TAMM41: variants seen among roughly 807,000 people sequenced by gnomAD.
TAMM41 encodes the protein TAM41 mitochondrial translocator assembly and maintenance homolog, also known as phosphatidate cytidylyltransferase, mitochondrial.
Under a neutral mutation model 44.1 loss-of-function variants are expected in TAMM41, and 36 were observed. That is an observed-to-expected ratio of 0.82 (90% CI 0.63 to 1.08). The LOEUF (loss-of-function observed/expected upper bound fraction) is 1.08. Ranked by LOEUF, TAMM41 falls within the 50% of genes least tolerant of loss-of-function variation. The pLI is 0.00. For synonymous variants in TAMM41, 164 were observed against 153.1 expected, an observed-to-expected ratio of 1.07 and a Z score of -0.53; for missense variants, 417 against 404.3, an observed-to-expected ratio of 1.03 and a Z score of -0.27.
chr3:11,766,286 T>A, the TAMM41 span, among the ~76,000 whole-genome samples: 1 of 152,030 alleles, frequency 6.6e-6, no homozygotes, highest in Admixed American at 6.6e-5. Context: ...CACCTCAGAC[T>A]CCCAGGTAGC....
the TAMM41 span, among the ~76,000 whole-genome samples, chr3:11,754,103 CGTG>C: frequency 6.6e-6 from 1 of 152,146 alleles, no homozygotes. Context: ...GTTACTTTCA[CGTG>C]GTAACCGAGA....
the TAMM41 span, among the ~76,000 whole-genome samples, chr3:11,751,110 GAC>G: frequency 1.3e-5 from 1 of 77,876 alleles, no homozygotes; most frequent in South Asian, 4.2e-4. Context: ...TTTTTTTTTG[GAC>G]ACAGAGTCTC....
chr3:11,747,595 C>A, the TAMM41 span, among the ~76,000 whole-genome samples: 32 of 151,614 alleles, frequency 2.1e-4, no homozygotes, highest in Admixed American at 2.1e-3. Context: ...AGCGAGACTC[C>A]ATCCCTACAT....
the TAMM41 span, among the ~76,000 whole-genome samples, chr3:11,770,908 GGGCCA>G: frequency 6.6e-6 from 1 of 152,160 alleles, no homozygotes; most frequent in Non-Finnish European, 1.5e-5. Context: ...GAGGGCTGGA[GGGCCA>G]GGCCAGGCTC....
downstream of TAMM41, among the ~76,000 whole-genome samples, chr3:11,789,229 T>A (rs942914142): frequency 6.6e-6 from 1 of 152,200 alleles, no homozygotes; most frequent in South Asian, 2.1e-4. Flanking sequence ...TCAGTTTGGC[T>A]GAATCTGAAG....
chr3:11,790,215 G>T (rs192008971), downstream of TAMM41, among the ~76,000 whole-genome samples: 403 of 152,244 alleles, frequency 2.6e-3, 2 homozygotes, highest in African/African-American at 9.4e-3. Context: ...CAAGAAATTT[G>T]TCATGTCTGA....
At position 11,846,711 on chromosome 3, in the gene TAMM41, C is replaced by A. The variant is rs1465833038; in HGVS notation, c.-75G>T. 4 of 1,594,002 alleles carry A rather than the reference C, an allele frequency of 2.5e-6. No homozygotes were observed. Among genetic ancestry groups the A allele is most frequent in the Non-Finnish European group, 3.4e-6 (4 of 1,167,198 alleles). On this transcript the variant is annotated 5_prime_UTR_variant, in exon 1 of 8. Transcript: ENST00000455809. ...GGGCGGGGAACAGACACCGGGTAGG[C>A]GGTTTAGGGTGGGAAATGGAAGTCG...
chr3:11,845,177 A>G, intron 1 of TAMM41: 1 of 358,658 alleles, frequency 2.8e-6, no homozygotes, highest in Non-Finnish European at 5.5e-6. Flanking sequence ...TTTCCTGCAG[A>G]AGAGCTGACT....
chr3:11,753,211 A>G, the TAMM41 span, among the ~76,000 whole-genome samples: 1 of 150,886 alleles, frequency 6.6e-6, no homozygotes. Context: ...GGATCACTTG[A>G]GCCCAGGAGT....
In TAMM41 at chr3:11,846,610, C is replaced by T; in HGVS notation, c.27G>A (p.Ser9=). The change falls in exon 1 of 8, where the codon TCG becomes TCA. Residue 9 remains serine (S), a synonymous_variant. Transcript: ENST00000455809. MALQTLQS[S]WVTFRKILSH... is the part of the protein sequence containing the mutation. ...ACAGGATCTTGCGGAAGGTCACCCA[C>T]GAGCTCTGCAGCGTCTGCAGCGCCA... 6.2e-7 allele frequency: 1 copy of T among 1,614,246 alleles called. No homozygotes were observed. The highest frequency in any genetic ancestry group is 8.5e-7 in the Non-Finnish European group (1 of 1,180,048).
chr3:11,763,839 T>C, the TAMM41 span, among the ~76,000 whole-genome samples: 1 of 152,256 alleles, frequency 6.6e-6, no homozygotes, highest in East Asian at 1.9e-4. Flanking sequence ...CTAAGCCTTC[T>C]GTTGCCTAAT....
intron 7 of TAMM41, among the ~76,000 whole-genome samples, chr3:11,792,533 T>C (rs908947819): frequency 1.3e-5 from 2 of 152,240 alleles, no homozygotes; most frequent in African/African-American, 4.8e-5. Context: ...TCCAGAGTTC[T>C]AGTCAGATTT....
At position 11,846,858 on chromosome 3, in the gene TAMM41, G is replaced by T; in HGVS notation, c.-222C>A. The T allele has an allele frequency of 1.8e-6, 1 of 568,890 alleles. No homozygotes were observed. Among genetic ancestry groups the T allele is most frequent in the Non-Finnish European group, 3.1e-6 (1 of 321,670 alleles). 35.2% of individuals were successfully genotyped at this position (568,890 alleles called of 1,614,324 possible). On this transcript the variant is annotated 5_prime_UTR_variant, in exon 1 of 8. Transcript: ENST00000455809. ...ACGCAGCCCAGATAGGCTCGGGTGG[G>T]CGGCGGTCGCACAGGCAGAGCTTCC... is the stretch of plus-strand genomic sequence containing the variant.
At chr3:11,782,498 G>C in the TAMM41 span, among the ~76,000 whole-genome samples, 1 of 149,966 alleles carries the variant, frequency 6.7e-6, no homozygotes, top group African/African-American at 2.5e-5. Context: ...AGTAAGCTGA[G>C]ATTGTGCCAC....
At chr3:11,831,779 G>A (rs1313069980) in intron 3 of TAMM41, among the ~76,000 whole-genome samples, 1 of 152,110 alleles carries the variant, frequency 6.6e-6, no homozygotes. Context: ...TTCAGAATCT[G>A]AATTCTTTTA....
chr3:11,807,797 G>C, intron 7 of TAMM41, 36 bp downstream of exon 7: 1 of 1,536,118 alleles, frequency 6.5e-7, no homozygotes. Context: ...CACTCAGTCA[G>C]CAGGTATGTT....
chr3:11,841,298 G>A (rs527616850), intron 2 of TAMM41, among the ~76,000 whole-genome samples: 11 of 151,982 alleles, frequency 7.2e-5, no homozygotes, highest in Non-Finnish European at 1.5e-4. Flanking sequence ...GCCCAGGCTG[G>A]TCTTGAACTC....
the TAMM41 span, among the ~76,000 whole-genome samples, chr3:11,729,486 C>G: frequency 1.4e-5 from 2 of 147,874 alleles, no homozygotes; most frequent in Non-Finnish European, 3.0e-5. Context: ...CTGGGATTGC[C>G]CTGTTACCCT....
At chr3:11,761,731 G>A in the TAMM41 span, among the ~76,000 whole-genome samples, 234 of 152,080 alleles carry the variant, frequency 1.5e-3, no homozygotes, top group East Asian at 0.012. Flanking sequence ...TGGATCACCC[G>A]AGGTCAGGAG....
Sources: allele counts gnomAD v4.1 joint callset (sites outside exome capture counted in the v4.1 genomes callset), GRCh38; gene constraint gnomAD v4.1.1; transcripts MANE v1.5; gene names NCBI Gene and HGNC (gene_info 2026-07-23, HGNC 2026-07-21).